CTNND2: variants seen among roughly 807,000 people sequenced by gnomAD.
CTNND2 encodes the protein catenin delta 2.
In CTNND2, 22 loss-of-function variants were observed where a neutral mutation model predicts 144.4. The observed-to-expected ratio is 0.15, with a 90% CI of 0.11 to 0.22. CTNND2 has a LOEUF of 0.22. CTNND2 is among the 10% of genes least tolerant of loss of function. The pLI, the probability that CTNND2 is intolerant of heterozygous loss-of-function variation, is 1.00. For synonymous variants in CTNND2, 751 were observed against 695.6 expected, an observed-to-expected ratio of 1.08 and a Z score of -1.25; for missense variants, 1,353 against 1,618.8, an observed-to-expected ratio of 0.84 and a Z score of 2.82.
chr5:11,097,985 T>C (rs1340978497), intron 15 of CTNND2, among the ~76,000 whole-genome samples: 2 of 152,320 alleles, frequency 1.3e-5, no homozygotes, highest in East Asian at 3.9e-4. Flanking sequence ...TGAAAATCAA[T>C]CAGGAACAGT....
At chr5:11,792,036 C>A (rs2126870052) in intron 1 of CTNND2, among the ~76,000 whole-genome samples, 1 of 152,300 alleles carries the variant, frequency 6.6e-6, no homozygotes, top group Non-Finnish European at 1.5e-5. Context: ...CTGTCCAAGT[C>A]ATATGATGAA....
At chr5:11,354,361 A>G (rs1580995341) in intron 8 of CTNND2, among the ~76,000 whole-genome samples, 1 of 152,362 alleles carries the variant, frequency 6.6e-6, no homozygotes, top group East Asian at 1.9e-4. Flanking sequence ...AGGCTCAAAA[A>G]GAAACTCCAA....
chr5:11,125,522 C>T (rs1754589545), intron 12 of CTNND2, among the ~76,000 whole-genome samples: 1 of 152,216 alleles, frequency 6.6e-6, no homozygotes, highest in African/African-American at 2.4e-5. Flanking sequence ...TGCAGTGACA[C>T]AGGGCAGCTG....
intron 1 of CTNND2, among the ~76,000 whole-genome samples, chr5:11,821,277 A>G (rs1269865161): frequency 6.6e-6 from 1 of 152,226 alleles, no homozygotes; most frequent in Non-Finnish European, 1.5e-5. Flanking sequence ...GATGTTACAT[A>G]AACTGAAGTA....
intron 18 of CTNND2, 33 bp downstream of exon 18, chr5:11,017,941 T>C: frequency 6.4e-7 from 1 of 1,570,834 alleles, no homozygotes; most frequent in Non-Finnish European, 8.8e-7. Context: ...TGTTGAGTGT[T>C]TGGACTCAGG....
chr5:11,318,176 C>T (rs986328056), intron 9 of CTNND2, among the ~76,000 whole-genome samples: 4 of 152,110 alleles, frequency 2.6e-5, no homozygotes, highest in Non-Finnish European at 4.4e-5. Context: ...GTACACGGAA[C>T]CACCACCTTC....
At chr5:11,333,797 TGG>T (rs1174518605) in intron 9 of CTNND2, among the ~76,000 whole-genome samples, 7 of 152,252 alleles carry the variant, frequency 4.6e-5, no homozygotes, top group African/African-American at 1.7e-4. Context: ...CTCCTCACCA[TGG>T]GCTGTTTGGA....
chr5:11,799,090 CT>C (rs1204155976), intron 1 of CTNND2, among the ~76,000 whole-genome samples: 3 of 152,120 alleles, frequency 2.0e-5, no homozygotes, highest in Non-Finnish European at 4.4e-5. Flanking sequence ...AAGTTAACCT[CT>C]ATAAACCTCA....
At chr5:11,406,108 T>C (rs948146339) in intron 5 of CTNND2, among the ~76,000 whole-genome samples, 2 of 152,108 alleles carry the variant, frequency 1.3e-5, no homozygotes, top group Non-Finnish European at 2.9e-5. Flanking sequence ...GACTGCACCA[T>C]TGCACACCAG....
chr5:11,357,898 A>T (rs1756057425), intron 8 of CTNND2, among the ~76,000 whole-genome samples: 2 of 152,154 alleles, frequency 1.3e-5, no homozygotes, highest in South Asian at 4.1e-4. Flanking sequence ...TTTAAGTGAT[A>T]GAGCATGTCT....
intron 9 of CTNND2, among the ~76,000 whole-genome samples, chr5:11,283,706 A>AAAAAAAAAAAAAAAAAG (rs1747419097): frequency 8.0e-6 from 1 of 124,674 alleles, no homozygotes. Flanking sequence ...AAAAAAAAAA[A>AAAAAAAAAAAAAAAAAG]GAGAGAGACA....
At chr5:11,197,347 A>C (rs1736963008) in intron 11 of CTNND2, among the ~76,000 whole-genome samples, 2 of 152,234 alleles carry the variant, frequency 1.3e-5, no homozygotes, top group African/African-American at 4.8e-5. Context: ...TGTCCATCTT[A>C]ACGGATGTGG....
intron 15 of CTNND2, among the ~76,000 whole-genome samples, chr5:11,087,345 A>G (rs1471530326): frequency 6.6e-6 from 1 of 152,352 alleles, no homozygotes; most frequent in Middle Eastern, 3.4e-3. Context: ...TATTATAAAA[A>G]CAATGCATAA....
At chr5:11,073,472 T>G (rs867099511) in intron 16 of CTNND2, among the ~76,000 whole-genome samples, 6 of 152,368 alleles carry the variant, frequency 3.9e-5, no homozygotes, top group Admixed American at 2.0e-4. Flanking sequence ...GTCCTGAATT[T>G]GAATCAACTG....
chr5:11,596,794 G>A (rs1779523719), intron 2 of CTNND2, among the ~76,000 whole-genome samples: 1 of 152,174 alleles, frequency 6.6e-6, no homozygotes, highest in Admixed American at 6.5e-5. Context: ...GGACAAACAG[G>A]CTGAACATGA....
At chr5:11,278,864 C>T (rs1404679855) in intron 9 of CTNND2, among the ~76,000 whole-genome samples, 1 of 152,114 alleles carries the variant, frequency 6.6e-6, no homozygotes, top group Non-Finnish European at 1.5e-5. Flanking sequence ...CAGGCCCCTT[C>T]TTTGTCTCTT....
chr5:11,171,776 T>A (rs1759948065), intron 11 of CTNND2, among the ~76,000 whole-genome samples: 1 of 152,140 alleles, frequency 6.6e-6, no homozygotes, highest in Non-Finnish European at 1.5e-5. Context: ...CGGAAGGTTC[T>A]ATGGGAGAGG....
chr5:11,316,198 C>T lies in CTNND2; in HGVS notation c.1628+30174G>A, dbSNP rs570996231. Among the ~76,000 whole-genome samples the T allele has an allele frequency of 5.3e-5, 8 of 152,130 alleles. 1 individual carries two copies. In the East Asian group the frequency reaches 7.8e-4, roughly 15 times the overall value. The stretch of plus-strand genomic sequence containing the variant: ...CACCATTTATTGAACAATTACTAGC[C>T]GCCAGGTATATTCTAAACACTTTGT... On this transcript the variant is annotated intron_variant, in intron 9 of 21. Coordinates refer to ENST00000304623, the MANE Select transcript of CTNND2 (RefSeq NM_001332.4).
intron 9 of CTNND2, among the ~76,000 whole-genome samples, chr5:11,343,679 T>C (rs1245807589): frequency 6.6e-6 from 1 of 152,212 alleles, no homozygotes; most frequent in Non-Finnish European, 1.5e-5. Flanking sequence ...TTTCAAGAAG[T>C]CATTTAACAT....
Sources: allele counts gnomAD v4.1 joint callset (sites outside exome capture counted in the v4.1 genomes callset), GRCh38; gene constraint gnomAD v4.1.1; transcripts MANE v1.5; gene names NCBI Gene and HGNC (gene_info 2026-07-23, HGNC 2026-07-21).